RASSF8: variants seen among roughly 807,000 people sequenced by gnomAD.
The protein encoded by RASSF8 is Ras association domain family member 8.
In RASSF8, 22 loss-of-function variants were observed where a neutral mutation model predicts 48.5. The ratio of observed to expected loss-of-function variants is 0.45; its 90% CI spans 0.32 to 0.65. RASSF8 has a LOEUF of 0.65. RASSF8 is among the 30% of genes least tolerant of loss of function. The pLI is 0.03. For synonymous variants in RASSF8, 127 were observed against 171.5 expected, an observed-to-expected ratio of 0.74 and a Z score of 2.03; for missense variants, 418 against 489.2, an observed-to-expected ratio of 0.85 and a Z score of 1.37.
Position 26,070,920 on chromosome 12 carries a change from TTAAG to T in RASSF8, c.*2107_*2110del, listed in dbSNP as rs1943985674. The T allele has an allele frequency of 1.0e-6, 1 of 984,530 alleles. No homozygotes were observed. Among genetic ancestry groups the T allele is most frequent in the Non-Finnish European group, 1.2e-6 (1 of 829,262 alleles). 61.0% of individuals were successfully genotyped at this position (984,530 alleles called of 1,614,324 possible). On this transcript the variant is annotated 3_prime_UTR_variant, in exon 6 of 6. Transcript: ENST00000689635. ...TGTTATCAGAATTAACCTAATAACT[TTAAG>T]TAAGGACAAGCAGCATCCTAGCAAC...
At chr12:26,026,777 C>T (rs1310297019) in intron 2 of RASSF8, among the ~76,000 whole-genome samples, 1 of 152,168 alleles carries the variant, frequency 6.6e-6, no homozygotes, top group Non-Finnish European at 1.5e-5. Context: ...AGAATAAGAA[C>T]TCTCATACAC....
chr12:25,987,394 C>G (rs1941911831), intron 1 of RASSF8, among the ~76,000 whole-genome samples: 1 of 152,152 alleles, frequency 6.6e-6, no homozygotes, highest in African/African-American at 2.4e-5. Context: ...CACAGCATTA[C>G]AGCCAATATA....
In RASSF8 at chr12:25,978,684, A is replaced by ATT. The variant is rs770251561; in HGVS notation, c.-202-16340_-202-16339dup. On this transcript the variant is annotated intron_variant, in intron 1 of 5. Coordinates refer to ENST00000689635, the MANE Select transcript of RASSF8 (RefSeq NM_001394098.1). Reference sequence around the variant, plus strand: ...TATTCAAATGTGTACATGTAGGTTAATTTTTTTTTTTTTTAACCAGGGGCA... The same window carrying ATT: ...TATTCAAATGTGTACATGTAGGTTAATTTTTTTTTTTTTTTTAACCAGGGGCA... Among the ~76,000 whole-genome samples the ATT allele has an allele frequency of 2.2e-3, 326 of 145,604 alleles. 1 individual carries two copies. Among genetic ancestry groups the ATT allele is most frequent in the South Asian group, 0.017 (77 of 4,530 alleles).
At chr12:25,991,367 C>G (rs1397204175) in intron 1 of RASSF8, among the ~76,000 whole-genome samples, 2 of 151,312 alleles carry the variant, frequency 1.3e-5, no homozygotes, top group Non-Finnish European at 2.9e-5. Flanking sequence ...AAATAAATTA[C>G]TTATTACTGC....
intron 2 of RASSF8, among the ~76,000 whole-genome samples, chr12:26,013,065 A>G (rs1167387877): frequency 6.6e-6 from 1 of 152,118 alleles, no homozygotes; most frequent in African/African-American, 2.4e-5. Flanking sequence ...AAAGGAGAGT[A>G]TATCTCCCGG....
downstream of RASSF8, among the ~76,000 whole-genome samples, chr12:26,074,258 G>A (rs143257122): frequency 2.0e-5 from 3 of 152,268 alleles, no homozygotes; most frequent in African/African-American, 7.2e-5. Context: ...AAATATGCTG[G>A]ATGCGTTTAT....
At chr12:25,998,417 T>G (rs992980178) in intron 2 of RASSF8, among the ~76,000 whole-genome samples, 22 of 151,872 alleles carry the variant, frequency 1.4e-4, no homozygotes, top group Admixed American at 1.3e-4. Flanking sequence ...TGGCGTGATC[T>G]TGGCTCGCCG....
chr12:26,066,870 G>C (rs1007746789), intron 4 of RASSF8, among the ~76,000 whole-genome samples: 1 of 152,152 alleles, frequency 6.6e-6, no homozygotes, highest in Non-Finnish European at 1.5e-5. Flanking sequence ...TAAATAATAG[G>C]ATGCCCCTCC....
In RASSF8 at chr12:26,064,854, A is replaced by G. The variant is rs748704421; in HGVS notation, c.460A>G (p.Lys154Glu). The change falls in exon 4 of 6, where the codon AAG becomes GAG. Residue 154 changes from lysine to glutamate, a missense_variant. Transcript: ENST00000689635. ...GKGKETEFKQ[K>E]VLNNCKTTAD... ...AGGTAAAGAAACTGAGTTTAAGCAA[A>G]AGGTGCTGAATAACTGCAAAACAAC... is the stretch of plus-strand genomic sequence containing the variant. 3.7e-6 allele frequency: 6 copies of G among 1,614,214 alleles called. No individual in the cohort carries two copies. The highest frequency in any genetic ancestry group is 5.1e-6 in the Non-Finnish European group (6 of 1,180,034).
chr12:25,967,629 A>G (rs984889128), intron 1 of RASSF8, among the ~76,000 whole-genome samples: 1 of 152,180 alleles, frequency 6.6e-6, no homozygotes, highest in Non-Finnish European at 1.5e-5. Flanking sequence ...GGGGCCACTG[A>G]TTCTTCACTC....
intron 5 of RASSF8, 46 bp from the exon 6 acceptor site, chr12:26,068,651 C>T: frequency 7.0e-7 from 1 of 1,425,468 alleles, no homozygotes; most frequent in Non-Finnish European, 9.6e-7. Context: ...GCTAAGTACT[C>T]CAAGTTGACG....
intron 2 of RASSF8, among the ~76,000 whole-genome samples, chr12:26,023,900 A>G (rs1246055168): frequency 6.6e-6 from 1 of 152,256 alleles, no homozygotes; most frequent in Non-Finnish European, 1.5e-5. Flanking sequence ...AAATTATACC[A>G]CATGATAAAT....
At chr12:26,055,579 C>T (rs1313552916) in intron 3 of RASSF8, 133 bp downstream of exon 3, 3 of 764,800 alleles carry the variant, frequency 3.9e-6, no homozygotes, top group Non-Finnish European at 4.5e-6. Context: ...CACTCTTGTA[C>T]TTATTACAGT....
chr12:26,076,381 C>T (rs1355801472), downstream of RASSF8, among the ~76,000 whole-genome samples: 4 of 152,042 alleles, frequency 2.6e-5, no homozygotes, highest in Non-Finnish European at 5.9e-5. Flanking sequence ...TCGTCATTTA[C>T]ATTGGGCATT....
chr12:26,045,374 A>G (rs1467969943), intron 2 of RASSF8, among the ~76,000 whole-genome samples: 1 of 152,162 alleles, frequency 6.6e-6, no homozygotes, highest in Non-Finnish European at 1.5e-5. Context: ...TTGAAGTCCA[A>G]TAGAAGTTTT....
intron 2 of RASSF8, among the ~76,000 whole-genome samples, chr12:25,998,042 G>C (rs1942171738): frequency 6.6e-6 from 1 of 152,178 alleles, no homozygotes; most frequent in Admixed American, 6.5e-5. Flanking sequence ...AACAGGATTT[G>C]ATACTGATTG....
chr12:25,994,819 C>T (rs1054882148), intron 1 of RASSF8, among the ~76,000 whole-genome samples: 1 of 152,156 alleles, frequency 6.6e-6, no homozygotes, highest in Non-Finnish European at 1.5e-5. Context: ...CACAAAAATG[C>T]TAATTGAAAC....
intron 2 of RASSF8, among the ~76,000 whole-genome samples, chr12:26,007,631 C>A (rs1286826780): frequency 6.6e-6 from 1 of 152,108 alleles, no homozygotes; most frequent in African/African-American, 2.4e-5. Context: ...CAGGAAGTAG[C>A]CTCTGCAAAG....
intron 1 of RASSF8, among the ~76,000 whole-genome samples, chr12:25,987,195 A>G (rs1232564913): frequency 2.0e-5 from 3 of 152,100 alleles, no homozygotes; most frequent in South Asian, 4.1e-4. Context: ...CGGCCTCCCA[A>G]AGTGCTGGGA....
Sources: allele counts gnomAD v4.1 joint callset (sites outside exome capture counted in the v4.1 genomes callset), GRCh38; gene constraint gnomAD v4.1.1; transcripts MANE v1.5; gene names NCBI Gene and HGNC (gene_info 2026-07-23, HGNC 2026-07-21).